Variants in TMEM71 observed in about 807,000 individuals in gnomAD.
TMEM71 encodes transmembrane protein 71.
In TMEM71, 44 loss-of-function variants were observed where a neutral mutation model predicts 38.0. That is an observed-to-expected ratio of 1.16 (90% confidence interval 0.91 to 1.49). The LOEUF (loss-of-function observed/expected upper bound fraction) is 1.49, where lower values mean the gene tolerates loss of function less well. Ranked by LOEUF, TMEM71 falls within the 40% of genes most tolerant of loss-of-function variation. TMEM71 has a pLI of 0.00. For missense variants in TMEM71, 367 were observed against 348.6 expected (o/e 1.05, Z -0.42); for synonymous variants, 133 against 122.5 (o/e 1.09, Z -0.56).
At chr8:132,709,367 A>T (rs868347079), downstream of TMEM71, among the ~76,000 whole-genome samples, 2 of 152,200 alleles carry the variant, frequency 1.3e-5, no homozygotes, top group Non-Finnish European at 2.9e-5. Context: ...CTACTAAATT[A>T]TTACACGAGG....
Position 132,738,152 on chromosome 8 carries a change from A to ATT in TMEM71, c.487+8788_487+8789dup, listed in dbSNP as rs34327263. Reference sequence around the variant, plus strand: ...TTTCATCCTCCCCATTCTATATGCTATTTTTTTATTTTATATATAAGAAGT... The same window carrying ATT: ...TTTCATCCTCCCCATTCTATATGCTATTTTTTTTTATTTTATATATAAGAAGT... On this transcript the variant is annotated intron_variant, in intron 5 of 9. Transcript: ENST00000677595. Among the ~76,000 whole-genome samples, 576 of 151,934 alleles carry ATT rather than the reference A, an allele frequency of 3.8e-3. 4 individuals are homozygous for ATT. The highest frequency in any genetic ancestry group is 0.012 in the African/African-American group (485 of 41,414).
chr8:132,735,306 A>C (rs1056198765), intron 5 of TMEM71, among the ~76,000 whole-genome samples: 3 of 152,236 alleles, frequency 2.0e-5, no homozygotes, highest in Non-Finnish European at 4.4e-5. Context: ...CTCTTGCCTG[A>C]AAAATGAAGC....
Position 132,756,433 on chromosome 8 carries a change from AT to A in TMEM71, c.101+800del, listed in dbSNP as rs1829022414. 2.1e-5 allele frequency among the ~76,000 whole-genome samples: 3 copies of A among 144,634 alleles called. No individual in the cohort carries two copies. In the South Asian group the frequency reaches 6.4e-4, roughly 31 times the overall value. The allele number at this position is 144,634 out of a possible 152,430, so 94.9% of individuals were successfully genotyped here. Reference sequence around the variant, plus strand: ...ATATTATATATATATATATATATATATATATATATTCATTATTCTATTAGGC... The same window carrying A: ...ATATTATATATATATATATATATATAATATATATTCATTATTCTATTAGGC... On this transcript the variant is annotated intron_variant, in intron 3 of 9. Transcript: ENST00000677595.
intron 4 of TMEM71, among the ~76,000 whole-genome samples, chr8:132,750,064 C>A (rs924224239): frequency 6.6e-6 from 1 of 150,744 alleles, no homozygotes; most frequent in African/African-American, 2.4e-5. Flanking sequence ...GAAATAAAAT[C>A]TGGTTTGTTT....
intron 7 of TMEM71, among the ~76,000 whole-genome samples, chr8:132,716,413 A>G (rs913193245): frequency 6.6e-6 from 1 of 152,202 alleles, no homozygotes; most frequent in Non-Finnish European, 1.5e-5. Flanking sequence ...CACACTGTAT[A>G]TTCCATAGCA....
chr8:132,727,647 A>G (rs1234555029), intron 6 of TMEM71, 151 bp downstream of exon 6: 1 of 607,556 alleles, frequency 1.6e-6, no homozygotes, highest in Non-Finnish European at 2.8e-6. Context: ...GCAAAGGGTC[A>G]CCTGGGCTTT....
upstream of TMEM71, among the ~76,000 whole-genome samples, chr8:132,763,709 C>T (rs1829330550): frequency 6.6e-6 from 1 of 152,168 alleles, no homozygotes; most frequent in African/African-American, 2.4e-5. Context: ...TCCCAAGACC[C>T]CAGTTCCAGA....
At chr8:132,762,634 A>G (rs1829318011), upstream of TMEM71, among the ~76,000 whole-genome samples, 1 of 152,164 alleles carries the variant, frequency 6.6e-6, no homozygotes, top group Non-Finnish European at 1.5e-5. Flanking sequence ...TCCATGGGAG[A>G]TGCTGTATTA....
intron 5 of TMEM71, among the ~76,000 whole-genome samples, chr8:132,732,082 A>T (rs906686276): frequency 2.6e-5 from 4 of 152,192 alleles, no homozygotes; most frequent in Non-Finnish European, 4.4e-5. Context: ...GCTCTGGAAG[A>T]AGGAAGTCAA....
In TMEM71 at chr8:132,759,030, A is replaced by T. The variant is rs976017031; in HGVS notation, c.-36-115T>A. Reference sequence around the variant, plus strand: ...AGATTTGTTTACTGAAATAATACAGAGATACAGAATTGAAGGTAGGAGACC... The same window carrying T: ...AGATTTGTTTACTGAAATAATACAGTGATACAGAATTGAAGGTAGGAGACC... On this transcript the variant is annotated intron_variant, in intron 1 of 9. Transcript: ENST00000677595. 68 of 659,002 alleles carry T rather than the reference A, an allele frequency of 1.0e-4. No homozygotes were observed. In the African/African-American group the frequency reaches 1.2e-3, roughly 11 times the overall value. 40.8% of individuals were successfully genotyped at this position (659,002 alleles called of 1,614,324 possible).
chr8:132,723,804 A>T (rs1245001051), intron 6 of TMEM71, among the ~76,000 whole-genome samples: 2 of 152,114 alleles, frequency 1.3e-5, no homozygotes, highest in Admixed American at 1.3e-4. Context: ...GATTCCTTTC[A>T]AGCTTTTCGG....
At chr8:132,767,046 G>A in the TMEM71 span, among the ~76,000 whole-genome samples, 124 of 152,250 alleles carry the variant, frequency 8.1e-4, no homozygotes, top group African/African-American at 2.8e-3. Context: ...ATTCTGAAAC[G>A]GAATGATCAG....
rs1826194912 is a variant in TMEM71 at position 132,710,833 on chromosome 8, A to C, written c.*134T>G. 1.3e-6 allele frequency: 1 copy of C among 787,920 alleles called. No homozygotes were observed. Among genetic ancestry groups the C allele is most frequent in the East Asian group, 2.6e-5 (1 of 38,950 alleles). 48.8% of individuals were successfully genotyped at this position (787,920 alleles called of 1,614,324 possible). On this transcript the variant is annotated 3_prime_UTR_variant, in exon 10 of 10. Coordinates refer to ENST00000677595, the MANE Select transcript of TMEM71 (RefSeq NM_001382403.1). ...AGATCATTTTAAAATCACATAGTCA[A>C]ACTAAAATGGCTTTTTCTCCATTAC...
upstream of TMEM71, among the ~76,000 whole-genome samples, chr8:132,764,497 T>C (rs1001501886): frequency 9.9e-5 from 15 of 152,224 alleles, no homozygotes; most frequent in African/African-American, 3.6e-4. Context: ...CAAAATCCTC[T>C]TCATGGCCTG....
At chr8:132,719,982 G>T (rs1826750524) in intron 7 of TMEM71, among the ~76,000 whole-genome samples, 1 of 152,112 alleles carries the variant, frequency 6.6e-6, no homozygotes, top group Non-Finnish European at 1.5e-5. Context: ...TGGTTTTGAT[G>T]ACCTTGACAG....
upstream of TMEM71, among the ~76,000 whole-genome samples, chr8:132,762,199 AT>A (rs1829309463): frequency 6.6e-6 from 1 of 152,244 alleles, no homozygotes; most frequent in South Asian, 2.1e-4. Context: ...CCTGTAGAAT[AT>A]AGTCACATTT....
chr8:132,761,823 A>G (rs1346958915), upstream of TMEM71, among the ~76,000 whole-genome samples: 1 of 152,162 alleles, frequency 6.6e-6, no homozygotes, highest in African/African-American at 2.4e-5. Flanking sequence ...GGAGAAGCCC[A>G]TGTGTCAAGG....
At chr8:132,760,190 A>AG (rs1829252522) in intron 1 of TMEM71, 1 of 151,792 alleles carries the variant, frequency 6.6e-6, no homozygotes, top group African/African-American at 2.4e-5. Flanking sequence ...ACAGTAGGAA[A>AG]AAAAAAAGCC....
At chr8:132,750,541 C>T (rs1224399416) in intron 4 of TMEM71, among the ~76,000 whole-genome samples, 1 of 152,152 alleles carries the variant, frequency 6.6e-6, no homozygotes, top group African/African-American at 2.4e-5. Flanking sequence ...CAACTGAAGC[C>T]AACCTCAACC....
Sources: gnomAD v4.1 joint callset for allele counts (sites outside exome capture counted in the v4.1 genomes callset) on GRCh38, gnomAD v4.1.1 for gene constraint, MANE v1.5 for transcripts, NCBI Gene and HGNC (gene_info 2026-07-23, HGNC 2026-07-21) for gene names.